The following ACER3 variants were observed in gnomAD, a reference collection of about 807,000 sequenced individuals.
ACER3 encodes the protein alkaline ceramidase 3.
In ACER3, 16 loss-of-function variants were observed where a neutral mutation model predicts 48.9. The observed-to-expected ratio is 0.33, with a 90% CI of 0.22 to 0.50. ACER3 has a LOEUF of 0.50. Ranked by LOEUF, ACER3 falls within the 20% of genes least tolerant of loss-of-function variation. The probability of loss-of-function intolerance (pLI) is 0.98; values close to 1 mark genes in which losing one functional copy is unlikely to be tolerated. For synonymous variants in ACER3, 109 were observed against 107.8 expected, an observed-to-expected ratio of 1.01 and a Z score of -0.07; for missense variants, 227 against 326.0, an observed-to-expected ratio of 0.70 and a Z score of 2.34.
chr11:76,957,923 A>G (rs1947884020), intron 2 of ACER3, among the ~76,000 whole-genome samples: 1 of 144,142 alleles, frequency 6.9e-6, no homozygotes, highest in Non-Finnish European at 1.5e-5. Context: ...AACTTAGGAC[A>G]TGAACACAGA....
At chr11:76,915,778 T>G (rs1590926670) in intron 1 of ACER3, among the ~76,000 whole-genome samples, 2 of 152,214 alleles carry the variant, frequency 1.3e-5, no homozygotes, top group African/African-American at 4.8e-5. Flanking sequence ...GAAGCAAACT[T>G]GGACCTTTTC....
At chr11:76,987,133 C>T (rs1383088181) in intron 5 of ACER3, among the ~76,000 whole-genome samples, 1 of 152,116 alleles carries the variant, frequency 6.6e-6, no homozygotes, top group African/African-American at 2.4e-5. Context: ...AAGATGTAAT[C>T]AGATACGTGT....
intron 3 of ACER3, among the ~76,000 whole-genome samples, chr11:76,969,695 A>C (rs1220743480): frequency 1.3e-5 from 2 of 150,932 alleles, no homozygotes; most frequent in Admixed American, 6.6e-5. Flanking sequence ...TATCACAAGG[A>C]CAAAAAACCA....
chr11:77,019,033 G>C (rs540546466), intron 9 of ACER3, among the ~76,000 whole-genome samples: 2 of 152,350 alleles, frequency 1.3e-5, no homozygotes, highest in Non-Finnish European at 2.9e-5. Flanking sequence ...AGCTAGAGAA[G>C]AGAAGTCAAT....
rs148781114 is a variant in ACER3 at position 76,905,094 on chromosome 11, C to T, written c.104-21463C>T. Among the ~76,000 whole-genome samples the T allele has an allele frequency of 3.6e-3, 552 of 152,230 alleles. 3 individuals are homozygous for T. Among genetic ancestry groups the T allele is most frequent in the East Asian group, 7.9e-3 (41 of 5,172 alleles). On this transcript the variant is annotated intron_variant, in intron 1 of 10. Transcript: ENST00000532485. Reference sequence around the variant, plus strand: ...CTCGAACTCCTGACCTCAGGTGATCCACTCACCTCGGCCTCCCAAAGTGCC... The same window carrying T: ...CTCGAACTCCTGACCTCAGGTGATCTACTCACCTCGGCCTCCCAAAGTGCC...
intron 7 of ACER3, among the ~76,000 whole-genome samples, chr11:77,004,004 C>T (rs1555020383): frequency 6.6e-6 from 1 of 152,090 alleles, no homozygotes; most frequent in African/African-American, 2.4e-5. Flanking sequence ...GGCATATATT[C>T]CATGTTTGTT....
intron 7 of ACER3, among the ~76,000 whole-genome samples, chr11:77,002,872 A>G (rs1203191203): frequency 6.6e-6 from 1 of 152,234 alleles, no homozygotes. Context: ...GAGTCCATTT[A>G]TATGAGGTTC....
chr11:77,012,853 A>G (rs140436137), intron 7 of ACER3, among the ~76,000 whole-genome samples: 39 of 152,336 alleles, frequency 2.6e-4, no homozygotes, highest in African/African-American at 7.0e-4. Context: ...GAAAAGGAAC[A>G]AAGTTAGAGG....
rs1946838769 is a variant in ACER3 at position 76,926,659 on chromosome 11, C to T, written c.206C>T (p.Ala69Val). The change falls in exon 2 of 11, where the codon GCA becomes GTA. Residue 69 changes from alanine (A) to valine (V), a missense_variant. By Grantham distance (64) the Ala-to-Val change is moderately conservative. This residue lies in a region of ACER3 where 195 missense variants were observed against 290.8 expected (regional missense o/e 0.67). Coordinates refer to ENST00000532485, the MANE Select transcript of ACER3 (RefSeq NM_018367.7). ...AAGCGGTACATTGCTTCTTATTTAG[C>T]ACTCACAGGTATGTATAACACTGTA... ...LEKRYIASYL[A>V]LTVVGMGSWC... is the part of the protein sequence containing the mutation. The T allele has an allele frequency of 6.4e-7, 1 of 1,573,102 alleles. No homozygotes were observed. The highest frequency in any genetic ancestry group is 8.8e-7 in the Non-Finnish European group (1 of 1,142,510).
chr11:76,920,288 G>A (rs570231854), intron 1 of ACER3, among the ~76,000 whole-genome samples: 17 of 152,184 alleles, frequency 1.1e-4, no homozygotes, highest in Non-Finnish European at 2.1e-4. Flanking sequence ...CTACCTCTCC[G>A]CTCTATGGGA....
Position 76,954,906 on chromosome 11 carries a change from TTTTGTATTTTTAATGG to T in ACER3, c.215-4067_215-4052del, listed in dbSNP as rs1167037407. The stretch of plus-strand genomic sequence containing the variant: ...TGTGAGTCACCATACCCGGCCCCCT[TTTTGTATTTTTAATGG>T]TTTGTTTAAAGTTCTGAGACAGGAA... On this transcript the variant is annotated intron_variant, in intron 2 of 10. Transcript: ENST00000532485. Among the ~76,000 whole-genome samples, 5 of 152,252 alleles carry T rather than the reference TTTTGTATTTTTAATGG, an allele frequency of 3.3e-5. No homozygotes were observed. In the East Asian group the frequency reaches 9.6e-4, roughly 29 times the overall value.
At chr11:77,006,089 A>T (rs1301499293) in intron 7 of ACER3, among the ~76,000 whole-genome samples, 4 of 147,558 alleles carry the variant, frequency 2.7e-5, no homozygotes, top group African/African-American at 9.9e-5. Flanking sequence ...TCTCGGGTTC[A>T]AGCAATTCTT....
intron 2 of ACER3, among the ~76,000 whole-genome samples, chr11:76,949,920 T>C (rs1947594034): frequency 6.6e-6 from 1 of 152,182 alleles, no homozygotes; most frequent in South Asian, 2.1e-4. Flanking sequence ...CTCCCACATA[T>C]ACCCAACAGT....
At chr11:76,897,282 C>G (rs766527952) in intron 1 of ACER3, among the ~76,000 whole-genome samples, 2 of 152,074 alleles carry the variant, frequency 1.3e-5, no homozygotes, top group African/African-American at 2.4e-5. Flanking sequence ...AATAGCCTTT[C>G]TAGATAATTG....
chr11:76,972,157 C>A lies in ACER3; in HGVS notation c.268-4132C>A, dbSNP rs1270142414. On this transcript the variant is annotated intron_variant, in intron 3 of 10. Coordinates refer to ENST00000532485, the MANE Select transcript of ACER3 (RefSeq NM_018367.7). ...ATACTTAGGAGTGGAATTGCTGGGT[C>A]ATTTAACCTTTTGAGGAACTGCCAG... is the stretch of plus-strand genomic sequence containing the variant. 4.6e-5 allele frequency among the ~76,000 whole-genome samples: 7 copies of A among 152,306 alleles called. No individual in the cohort carries two copies. The East Asian group carries it at 1.3e-3, about 29-fold the overall frequency.
chr11:76,932,241 T>G (rs766903989), intron 2 of ACER3, among the ~76,000 whole-genome samples: 1 of 152,182 alleles, frequency 6.6e-6, no homozygotes, highest in Non-Finnish European at 1.5e-5. Context: ...TGTGCCACTG[T>G]GCCTGGCCTT....
chr11:76,883,023 C>G (rs549175508), intron 1 of ACER3, among the ~76,000 whole-genome samples: 1 of 152,130 alleles, frequency 6.6e-6, no homozygotes, highest in Non-Finnish European at 1.5e-5. Context: ...GTTCCCCAGA[C>G]CAGCAAGCCT....
chr11:76,993,392 A>G (rs966792685), intron 6 of ACER3, among the ~76,000 whole-genome samples: 9 of 152,246 alleles, frequency 5.9e-5, no homozygotes, highest in Non-Finnish European at 1.2e-4. Flanking sequence ...ATTAATATAC[A>G]CAGGCAAATA....
At chr11:77,010,997 G>C (rs1949251822) in intron 7 of ACER3, among the ~76,000 whole-genome samples, 1 of 152,210 alleles carries the variant, frequency 6.6e-6, no homozygotes, top group African/African-American at 2.4e-5. Flanking sequence ...GCCAAAATGA[G>C]AGTACTACAA....
Sources: gnomAD v4.1 joint callset for allele counts (sites outside exome capture counted in the v4.1 genomes callset) on GRCh38, gnomAD v4.1.1 for gene constraint, gnomAD v4.1.1 regional missense constraint, MANE v1.5 for transcripts, NCBI Gene and HGNC (gene_info 2026-07-23, HGNC 2026-07-21) for gene names.